TEAD4: variants seen among roughly 807,000 people sequenced by gnomAD.
TEAD4 encodes transcriptional enhancer factor TEF-3.
Under a neutral mutation model 52.4 loss-of-function variants are expected in TEAD4, and 36 were observed. That is an observed-to-expected ratio of 0.69 (90% CI 0.53 to 0.91). The LOEUF (loss-of-function observed/expected upper bound fraction) is 0.91. TEAD4 is among the 40% of genes least tolerant of loss of function. The pLI, the probability that TEAD4 is intolerant of heterozygous loss-of-function variation, is 0.00. For synonymous variants in TEAD4, 220 were observed against 231.0 expected (o/e 0.95, Z 0.43); for missense variants, 508 against 583.9 (o/e 0.87, Z 1.34).
intron 2 of TEAD4, among the ~76,000 whole-genome samples, chr12:2,989,261 T>C (rs1171757821): frequency 1.3e-5 from 2 of 151,936 alleles, no homozygotes; most frequent in African/African-American, 4.8e-5. Context: ...TCAATGAGGC[T>C]CTTTGATTGG....
chr12:2,980,538 G>A (rs1211572454), intron 2 of TEAD4, among the ~76,000 whole-genome samples: 1 of 151,850 alleles, frequency 6.6e-6, no homozygotes. Flanking sequence ...CTCGAGACCA[G>A]TCTGGCCAAC....
At chr12:2,993,867 A>G (rs1565533760) in intron 2 of TEAD4, among the ~76,000 whole-genome samples, 1 of 152,176 alleles carries the variant, frequency 6.6e-6, no homozygotes, top group Non-Finnish European at 1.5e-5. Context: ...ATAATGTCCT[A>G]AAGGTCCGTC....
rs11062444 is a variant in TEAD4 at position 2,992,499 on chromosome 12, T to G, written c.-29-2239T>G. Among the ~76,000 whole-genome samples, 533 of 152,206 alleles carry G rather than the reference T, an allele frequency of 3.5e-3. 1 individual carries two copies. The highest frequency in any genetic ancestry group is 5.4e-3 in the Non-Finnish European group (368 of 68,010). ...CTCTCTGTGAAGGAAATTGTCCTTC[T>G]CACAGGCCATGGGTGGGAGATGAGG... On this transcript the variant is annotated intron_variant, in intron 2 of 12. Coordinates refer to ENST00000359864, the MANE Select transcript of TEAD4 (RefSeq NM_003213.4).
chr12:3,018,446 T>A, intron 6 of TEAD4, 99 bp from the exon 7 acceptor site: 1 of 1,428,024 alleles, frequency 7.0e-7, no homozygotes, highest in South Asian at 1.1e-5. Context: ...CAGCCTCTCC[T>A]CCCAGTGGAG....
At chr12:3,004,575 G>A (rs780513408) in intron 3 of TEAD4, among the ~76,000 whole-genome samples, 13 of 152,160 alleles carry the variant, frequency 8.5e-5, no homozygotes, top group Non-Finnish European at 1.3e-4. Flanking sequence ...GCTTGCCTAC[G>A]ACCCTGAGAA....
Position 2,973,237 on chromosome 12 carries a change from C to A in TEAD4, c.-30+13197C>A, listed in dbSNP as rs113659123. Among the ~76,000 whole-genome samples, 121 of 152,152 alleles carry A rather than the reference C, an allele frequency of 8.0e-4. 1 individual carries two copies. The highest frequency in any genetic ancestry group is 2.8e-3 in the African/African-American group (117 of 41,510). Reference sequence around the variant, plus strand: ...CAGGCACACGCCACCACGCCCGGCTCATTTTTGTACTTTTTGTAGAGATGA... The same window carrying A: ...CAGGCACACGCCACCACGCCCGGCTAATTTTTGTACTTTTTGTAGAGATGA... On this transcript the variant is annotated intron_variant, in intron 2 of 12. Transcript: ENST00000359864.
chr12:3,021,053 C>G (rs542074489), intron 9 of TEAD4, among the ~76,000 whole-genome samples: 1 of 152,230 alleles, frequency 6.6e-6, no homozygotes, highest in East Asian at 1.9e-4. Context: ...CTAACCCAAC[C>G]GACCCTTAGT....
intron 2 of TEAD4, among the ~76,000 whole-genome samples, chr12:2,963,906 G>T (rs2098217963): frequency 6.6e-6 from 1 of 152,186 alleles, no homozygotes; most frequent in South Asian, 2.1e-4. Context: ...CCCCATGGGT[G>T]GGGACTCTGC....
chr12:2,985,567 A>C (rs190634353), intron 2 of TEAD4, among the ~76,000 whole-genome samples: 3 of 122,328 alleles, frequency 2.5e-5, no homozygotes, highest in East Asian at 2.6e-4. Flanking sequence ...GTGTAGTGGC[A>C]CGATCTCGGC....
intron 2 of TEAD4, among the ~76,000 whole-genome samples, chr12:2,960,629 T>C (rs911546994): frequency 6.6e-6 from 1 of 152,214 alleles, no homozygotes; most frequent in Non-Finnish European, 1.5e-5. Flanking sequence ...GTGATGTCTG[T>C]TCACGTGTGG....
intron 3 of TEAD4, among the ~76,000 whole-genome samples, chr12:2,997,810 G>T (rs867564109): frequency 2.6e-5 from 4 of 151,132 alleles, no homozygotes; most frequent in Admixed American, 6.6e-5. Flanking sequence ...TTTTTCGGGG[G>T]GGGGGTGTGT....
In TEAD4 at chr12:3,020,746, C is replaced by T. The variant is rs1455759065; in HGVS notation, c.696C>T (p.Phe232=). 2 of 1,607,902 alleles carry T rather than the reference C, an allele frequency of 1.2e-6. No individual in the cohort carries two copies. The highest frequency in any genetic ancestry group is 1.7e-6 in the Non-Finnish European group (2 of 1,176,958). The stretch of plus-strand genomic sequence containing the variant: ...TCTGGATGTTGGAGTTCTCTGCCTT[C>T]CTGGAGCAGCAGCAGGACCCGGACA... Residue 232 remains phenylalanine (F), a synonymous_variant, in exon 9 of 13, where the codon TTC becomes TTT. Coordinates refer to ENST00000359864, the MANE Select transcript of TEAD4 (RefSeq NM_003213.4).
chr12:3,025,524 C>CTT (rs796603026), intron 10 of TEAD4, among the ~76,000 whole-genome samples: 13 of 145,944 alleles, frequency 8.9e-5, no homozygotes, highest in African/African-American at 3.2e-4. Flanking sequence ...AAAATGATGA[C>CTT]TTTTTTTTTT....
chr12:2,987,317 G>T (rs1044522133), intron 2 of TEAD4, among the ~76,000 whole-genome samples: 6 of 152,192 alleles, frequency 3.9e-5, no homozygotes, highest in Admixed American at 3.9e-4. Context: ...GAAATATGGA[G>T]CCCAGGGAAT....
intron 3 of TEAD4, among the ~76,000 whole-genome samples, chr12:2,996,030 A>G (rs372146099): frequency 6.6e-6 from 1 of 151,336 alleles, no homozygotes; most frequent in Non-Finnish European, 1.5e-5. Flanking sequence ...AAAATGAAGC[A>G]AGAATAAAAA....
At chr12:2,980,991 C>T (rs2098233696) in intron 2 of TEAD4, among the ~76,000 whole-genome samples, 2 of 152,116 alleles carry the variant, frequency 1.3e-5, no homozygotes, top group Admixed American at 1.3e-4. Context: ...ACCTTAGGAG[C>T]CTCAGCATCT....
chr12:2,971,575 A>AAG (rs1286532190), intron 2 of TEAD4, among the ~76,000 whole-genome samples: 18 of 150,998 alleles, frequency 1.2e-4, no homozygotes, highest in East Asian at 7.9e-4. Context: ...TCCCGGGTTC[A>AAG]TGCCATTCTC....
At chr12:3,018,447 C>T in intron 6 of TEAD4, 98 bp from the exon 7 acceptor site, 2 of 1,431,730 alleles carry the variant, frequency 1.4e-6, no homozygotes, top group Admixed American at 1.7e-5. Flanking sequence ...AGCCTCTCCT[C>T]CCAGTGGAGG....
At chr12:3,014,107 G>T (rs188320417) in intron 5 of TEAD4, among the ~76,000 whole-genome samples, 150 of 152,210 alleles carry the variant, frequency 9.9e-4, no homozygotes, top group African/African-American at 3.3e-3. Flanking sequence ...CTGGCACCTC[G>T]CTCCTTTTTC....
Sources: allele counts gnomAD v4.1 joint callset (sites outside exome capture counted in the v4.1 genomes callset), GRCh38; gene constraint gnomAD v4.1.1; transcripts MANE v1.5; gene names NCBI Gene and HGNC (gene_info 2026-07-23, HGNC 2026-07-21).